The following GPD2 variants were observed in gnomAD, a reference collection of about 807,000 sequenced individuals.
GPD2 encodes glycerol-3-phosphate dehydrogenase 2.
GPD2 carries 54 observed loss-of-function variants against 82.4 expected under a neutral mutation model. That is an observed-to-expected ratio of 0.66 (90% CI 0.53 to 0.82). The LOEUF (loss-of-function observed/expected upper bound fraction) is 0.82, where lower values mean the gene tolerates loss of function less well. Among genes scored for constraint, GPD2 ranks in the 40% least tolerant of loss-of-function variants. The pLI is 0.00. For synonymous variants in GPD2, 288 were observed against 306.1 expected (o/e 0.94, Z 0.62); for missense variants, 748 against 896.2 (o/e 0.83, Z 2.11).
intron 1 of GPD2, among the ~76,000 whole-genome samples, chr2:156,472,283 T>C (rs1558915215): frequency 6.6e-6 from 1 of 152,200 alleles, no homozygotes; most frequent in Non-Finnish European, 1.5e-5. Flanking sequence ...TATATAGTTC[T>C]AAATTTCATT....
chr2:156,496,204 C>T lies in GPD2; in HGVS notation c.263C>T (p.Ala88Val), dbSNP rs762492206. 5 of 1,606,660 alleles carry T rather than the reference C, an allele frequency of 3.1e-6. No individual in the cohort carries two copies. Among genetic ancestry groups the T allele is most frequent in the Non-Finnish European group, 4.3e-6 (5 of 1,173,566 alleles). ...ACAGGAAGTGGCTGTGCGCTAGATG[C>T]TGTCACCAGAGGTAAGTCTTTTTTT... ...GATGSGCALDAVTRGLKTALV... is the reference protein window; with the variant it reads ...GATGSGCALDVVTRGLKTALV... The change falls in exon 3 of 17, where the codon GCT becomes GTT. Residue 88 changes from alanine to valine, a missense_variant. Transcript: ENST00000438166.
rs760166677 is a variant in GPD2, at chr2:156,579,791, G to A, written c.2058+3G>A. On this transcript the variant is annotated splice_donor_region_variant and intron_variant, in intron 16 of 16. Coordinates refer to ENST00000438166, the MANE Select transcript of GPD2 (RefSeq NM_000408.5). ...TTGAACTCAATGAATTTTTGCAGGT[G>A]AGTTGTGGTGAAAGGAAACAAGGAT... 2.9e-6 allele frequency: 4 copies of A among 1,361,268 alleles called. No individual in the cohort carries two copies. The African/African-American group carries it at 4.3e-5, about 15-fold the overall frequency. 84.3% of individuals were successfully genotyped at this position (1,361,268 alleles called of 1,614,324 possible).
chr2:156,550,850 T>C lies in GPD2; in HGVS notation c.971+104T>C, dbSNP rs893938022. 2.8e-5 allele frequency: 27 copies of C among 955,950 alleles called. No homozygotes were observed. In the African/African-American group the frequency reaches 4.0e-4, roughly 14 times the overall value. The allele number at this position is 955,950 out of a possible 1,614,324, so 59.2% of individuals were successfully genotyped here. ...CATAGCAATAGATGGTCTAACTTGC[T>C]GTTCAAAATCAGGAGAAATAAGTAA... On this transcript the variant is annotated intron_variant, in intron 8 of 16. Transcript: ENST00000438166.
chr2:156,463,990 T>A (rs1017759945), intron 1 of GPD2, among the ~76,000 whole-genome samples: 1 of 152,178 alleles, frequency 6.6e-6, no homozygotes, highest in African/African-American at 2.4e-5. Context: ...AAAAGAAATA[T>A]CTTTTTCTTT....
At chr2:156,534,892 A>G (rs1007111964) in intron 6 of GPD2, among the ~76,000 whole-genome samples, 3 of 152,170 alleles carry the variant, frequency 2.0e-5, no homozygotes, top group Non-Finnish European at 4.4e-5. Context: ...TGTGACAAGC[A>G]TATACCTAAT....
At chr2:156,459,529 A>C (rs551935107) in intron 1 of GPD2, among the ~76,000 whole-genome samples, 1 of 151,946 alleles carries the variant, frequency 6.6e-6, no homozygotes, top group African/African-American at 2.4e-5. Context: ...AACTACTGAA[A>C]ATACAAAAAT....
At chr2:156,418,322 G>A in the GPD2 span, among the ~76,000 whole-genome samples, 5 of 151,796 alleles carry the variant, frequency 3.3e-5, no homozygotes, top group East Asian at 5.8e-4. Context: ...CCTGGGAGGC[G>A]GAGGTTGCAG....
chr2:156,528,942 G>T (rs2105301530), intron 6 of GPD2, among the ~76,000 whole-genome samples: 1 of 151,978 alleles, frequency 6.6e-6, no homozygotes, highest in African/African-American at 2.4e-5. Flanking sequence ...TAGTCCTTTG[G>T]GTATATACCC....
At chr2:156,571,057 TTTTTTTA>T in intron 12 of GPD2, 70 bp from the exon 13 acceptor site, 1 of 978,304 alleles carries the variant, frequency 1.0e-6, no homozygotes, top group Non-Finnish European at 1.7e-6. Context: ...ACACATTTAT[TTTTTTTA>T]AGTGAAGCTT....
chr2:156,553,763 TAGTAAC>T (rs1423752553), intron 8 of GPD2, among the ~76,000 whole-genome samples: 1 of 152,202 alleles, frequency 6.6e-6, no homozygotes, highest in Non-Finnish European at 1.5e-5. Context: ...TTTATACACT[TAGTAAC>T]AGAGTAGATT....
chr2:156,573,405 G>GCCTCTGTA (rs1687708443), intron 13 of GPD2, among the ~76,000 whole-genome samples: 1 of 152,100 alleles, frequency 6.6e-6, no homozygotes, highest in African/African-American at 2.4e-5. Context: ...AGTTTGATTA[G>GCCTCTGTA]CTAAAGCTCC....
intron 2 of GPD2, among the ~76,000 whole-genome samples, chr2:156,487,041 C>A (rs781719297): frequency 1.3e-5 from 2 of 152,204 alleles, no homozygotes; most frequent in African/African-American, 4.8e-5. Flanking sequence ...TGCATTGGCT[C>A]ATGCCTGTAA....
chr2:156,532,363 A>G (rs1685899902), intron 6 of GPD2, among the ~76,000 whole-genome samples: 1 of 152,140 alleles, frequency 6.6e-6, no homozygotes, highest in South Asian at 2.1e-4. Context: ...GTCTCAGTTT[A>G]ACAAGCCTTT....
intron 13 of GPD2, among the ~76,000 whole-genome samples, chr2:156,578,173 CT>C (rs1308123388): frequency 6.6e-6 from 1 of 152,160 alleles, no homozygotes; most frequent in Non-Finnish European, 1.5e-5. Context: ...TTAATTGACA[CT>C]GAGGACATTG....
the GPD2 span, among the ~76,000 whole-genome samples, chr2:156,407,826 A>T: frequency 3.4e-4 from 51 of 152,180 alleles, 1 homozygote; most frequent in Non-Finnish European, 2.9e-5. Flanking sequence ...AATATTGCAA[A>T]ATTACTCTCC....
chr2:156,424,249 T>C, the GPD2 span, among the ~76,000 whole-genome samples: 1 of 151,966 alleles, frequency 6.6e-6, no homozygotes, highest in Non-Finnish European at 1.5e-5. Flanking sequence ...GAGATATAAC[T>C]AAAAGCAGTT....
chr2:156,533,905 G>A lies in GPD2; in HGVS notation c.662-15703G>A, dbSNP rs192002308. Among the ~76,000 whole-genome samples, 1,308 of 152,336 alleles carry A rather than the reference G, an allele frequency of 8.6e-3. 5 individuals carry two copies. Among genetic ancestry groups the A allele is most frequent in the Non-Finnish European group, 0.012 (801 of 68,030 alleles). On this transcript the variant is annotated intron_variant, in intron 6 of 16. Coordinates refer to ENST00000438166, the MANE Select transcript of GPD2 (RefSeq NM_000408.5). Reference sequence around the variant, plus strand: ...CTCCAGCCCACGGTAGCGTCTAGGGGTGGGTGTCTGTGACTCCTGAAGCCC... The same window carrying A: ...CTCCAGCCCACGGTAGCGTCTAGGGATGGGTGTCTGTGACTCCTGAAGCCC...
intron 1 of GPD2, among the ~76,000 whole-genome samples, chr2:156,465,340 CT>C (rs1411517520): frequency 2.3e-5 from 3 of 127,764 alleles, no homozygotes; most frequent in Non-Finnish European, 5.1e-5. Flanking sequence ...TTTTTCTTTT[CT>C]TTTCTTTCTT....
At position 156,569,444 on chromosome 2, in the gene GPD2, C is replaced by A; in HGVS notation, c.1382C>A (p.Pro461Gln). ...AAAACTCATAATTTAAAAGCAGGAC[C>A]AAGTAGAACAGTTGGGCTTTTCCTT... ...AVKTHNLKAG[P>Q]SRTVGLFLQG... The change falls in exon 11 of 17, where the codon CCA (proline) becomes CAA (glutamine). Residue 461 changes from proline to glutamine, a missense_variant. Physicochemically the swap from Pro to Gln is moderately conservative, Grantham distance 76. This residue lies in a region of GPD2 where 692 missense variants were observed against 809.7 expected (regional missense o/e 0.85). Coordinates refer to ENST00000438166, the MANE Select transcript of GPD2 (RefSeq NM_000408.5). 2 of 1,609,818 alleles carry A rather than the reference C, an allele frequency of 1.2e-6. No individual in the cohort carries two copies. The highest frequency in any genetic ancestry group is 1.7e-6 in the Non-Finnish European group (2 of 1,176,354).
Sources: gnomAD v4.1 joint callset for allele counts (sites outside exome capture counted in the v4.1 genomes callset) on GRCh38, gnomAD v4.1.1 for gene constraint, gnomAD v4.1.1 regional missense constraint, MANE v1.5 for transcripts, NCBI Gene and HGNC (gene_info 2026-07-23, HGNC 2026-07-21) for gene names.